Variants in CDH4 observed in about 807,000 individuals in gnomAD.
CDH4 encodes cadherin 4.
A neutral mutation model predicts 86.0 loss-of-function variants in CDH4; 33 were observed. The ratio of observed to expected loss-of-function variants is 0.38; its 90% CI spans 0.29 to 0.51. CDH4 has a LOEUF of 0.51. Among genes scored for constraint, CDH4 ranks in the 20% least tolerant of loss-of-function variants. CDH4 has a pLI of 0.86. For missense variants in CDH4, 1,114 were observed against 1,307.4 expected (o/e 0.85, Z 2.28); for synonymous variants, 555 against 549.4 (o/e 1.01, Z -0.14).
intron 4 of CDH4, among the ~76,000 whole-genome samples, chr20:61,803,771 G>T (rs1250432242): frequency 6.6e-6 from 1 of 152,254 alleles, no homozygotes; most frequent in Non-Finnish European, 1.5e-5. Context: ...AACTGTCAGT[G>T]AAAGTCATTT....
intron 2 of CDH4, among the ~76,000 whole-genome samples, chr20:61,525,201 C>T: frequency 6.6e-6 from 1 of 152,280 alleles, no homozygotes; most frequent in East Asian, 1.9e-4. Context: ...CTGGAAGGTT[C>T]TGGTGACTGG....
rs2087443318 is a variant in CDH4, at chr20:61,676,237, T to C, written c.170-67326T>C. ...TGGTGTCAGGAACGGTCAGGAACGG[T>C]GGGCTGTAATTGACTCAAGTCTATT... On this transcript the variant is annotated intron_variant, in intron 2 of 15. Transcript: ENST00000614565. The surrounding 1 kb of genome is among the most constrained non-coding windows in gnomAD (Gnocchi z 4.5). Among the ~76,000 whole-genome samples the C allele has an allele frequency of 6.6e-6, 1 of 152,190 alleles. No individual in the cohort carries two copies. Among genetic ancestry groups the C allele is most frequent in the Non-Finnish European group, 1.5e-5 (1 of 68,042 alleles).
Position 61,928,407 on chromosome 20 carries a change from CA to C in CDH4, c.1990del (p.Ile664SerfsTer4). 1 of 1,611,934 alleles carries C rather than the reference CA, an allele frequency of 6.2e-7. No individual in the cohort carries two copies. The highest frequency in any genetic ancestry group is 8.5e-7 in the Non-Finnish European group (1 of 1,179,950). On this transcript the variant is annotated frameshift_variant, in exon 12 of 16. Transcript: ENST00000614565. LOFTEE classifies it high-confidence loss of function. ...VPAAVRKNWT[I>X]TRLNGDYAQL... ...CGGCGGCCGTGCGGAAGAACTGGAC[CA>C]TCACCCGCCTGAACGGTGAGCCCGC...
intron 7 of CDH4, among the ~76,000 whole-genome samples, chr20:61,891,597 C>A (rs1315621840): frequency 2.0e-5 from 3 of 152,232 alleles, no homozygotes; most frequent in Non-Finnish European, 4.4e-5. Flanking sequence ...GAACAACAGC[C>A]AGGGCTGCAT....
Position 61,719,148 on chromosome 20 carries a change from A to C in CDH4, c.170-24415A>C, listed in dbSNP as rs773717399. 30 of 470,370 alleles carry C rather than the reference A, an allele frequency of 6.4e-5. 1 individual carries two copies. Among genetic ancestry groups the C allele is most frequent in the Non-Finnish European group, 8.8e-6 (2 of 226,588 alleles). The allele number at this position is 470,370 out of a possible 1,614,324, so 29.1% of individuals were successfully genotyped here. Reference sequence around the variant, plus strand: ...TGCAGCCAAATGGCTTTGCATCTGAAAGCCACACATAATTGTCAGCATCCA... The same window carrying C: ...TGCAGCCAAATGGCTTTGCATCTGACAGCCACACATAATTGTCAGCATCCA... On this transcript the variant is annotated intron_variant, in intron 2 of 15. Transcript: ENST00000614565.
intron 7 of CDH4, among the ~76,000 whole-genome samples, chr20:61,881,996 A>C (rs1346735047): frequency 6.6e-6 from 1 of 152,238 alleles, no homozygotes; most frequent in African/African-American, 2.4e-5. Context: ...TAAGGCTACA[A>C]GCCAAGGGTG....
intron 2 of CDH4, among the ~76,000 whole-genome samples, chr20:61,315,725 A>G (rs1476538445): frequency 6.6e-6 from 1 of 152,186 alleles, no homozygotes; most frequent in Non-Finnish European, 1.5e-5. Flanking sequence ...TTTGTTTAAG[A>G]CATGGTCTTG....
intron 2 of CDH4, among the ~76,000 whole-genome samples, chr20:61,349,846 T>C (rs1050947673): frequency 1.3e-5 from 2 of 152,102 alleles, no homozygotes; most frequent in African/African-American, 2.4e-5. Flanking sequence ...AGGACCAAGT[T>C]CATGTGGGAC....
At chr20:61,895,801 C>G (rs894115743) in intron 8 of CDH4, among the ~76,000 whole-genome samples, 2 of 152,188 alleles carry the variant, frequency 1.3e-5, no homozygotes, top group African/African-American at 4.8e-5. Flanking sequence ...CAACCAGGAC[C>G]CTTTGTGGTG....
At chr20:61,549,386 ACC>A (rs2086111133) in intron 2 of CDH4, among the ~76,000 whole-genome samples, 1 of 152,184 alleles carries the variant, frequency 6.6e-6, no homozygotes. Context: ...GGCTCTTCAG[ACC>A]CACACCATCC....
Position 61,777,836 on chromosome 20 carries a change from T to TGCA in CDH4, c.576+4654_576+4655insGCA, listed in dbSNP as rs1600977515. ...AACACACATCCACATGCGCACGCAC[T>TGCA]TGCATACAAAAACACATCCACATGC... is the stretch of plus-strand genomic sequence containing the variant. On this transcript the variant is annotated intron_variant, in intron 4 of 15. Coordinates refer to ENST00000614565, the MANE Select transcript of CDH4 (RefSeq NM_001794.5). Among the ~76,000 whole-genome samples the TGCA allele has an allele frequency of 7.0e-5, 5 of 71,780 alleles. 1 individual carries two copies. Among genetic ancestry groups the TGCA allele is most frequent in the Admixed American group, 3.2e-4 (2 of 6,312 alleles). The allele number at this position is 71,780 out of a possible 152,430, so 47.1% of individuals were successfully genotyped here. A position where few individuals can be genotyped will look rare whatever the true frequency, so the allele number is the denominator to read the frequency against.
chr20:61,762,627 G>C (rs1398231907), intron 3 of CDH4, among the ~76,000 whole-genome samples: 1 of 152,234 alleles, frequency 6.6e-6, no homozygotes, highest in Non-Finnish European at 1.5e-5. Flanking sequence ...AATCAGGGAA[G>C]TGAAGAAGCA....
At chr20:61,647,936 A>T (rs1482212506) in intron 2 of CDH4, among the ~76,000 whole-genome samples, 1 of 152,182 alleles carries the variant, frequency 6.6e-6, no homozygotes, top group Non-Finnish European at 1.5e-5. Flanking sequence ...ACACCCCTGC[A>T]GGGGCTGCGG....
intron 2 of CDH4, among the ~76,000 whole-genome samples, chr20:61,524,004 A>T (rs191015419): frequency 6.6e-6 from 1 of 152,304 alleles, no homozygotes; most frequent in East Asian, 1.9e-4. Context: ...CCATTAAAAG[A>T]CCCAGAAGCC....
At chr20:61,455,762 T>C (rs939460104) in intron 2 of CDH4, among the ~76,000 whole-genome samples, 1 of 152,162 alleles carries the variant, frequency 6.6e-6, no homozygotes, top group Non-Finnish European at 1.5e-5. Context: ...GCCACCCCCA[T>C]GAGAGCCACT....
At chr20:61,256,048 T>C (rs1186818473) in intron 2 of CDH4, among the ~76,000 whole-genome samples, 1 of 152,196 alleles carries the variant, frequency 6.6e-6, no homozygotes, top group African/African-American at 2.4e-5. Flanking sequence ...AGATGTGCAA[T>C]CTAACAGGGC....
At chr20:61,702,370 C>T (rs1191098593) in intron 2 of CDH4, among the ~76,000 whole-genome samples, 1 of 152,210 alleles carries the variant, frequency 6.6e-6, no homozygotes, top group African/African-American at 2.4e-5. Flanking sequence ...TTAGACGAGG[C>T]AGGAGCCACG....
intron 2 of CDH4, among the ~76,000 whole-genome samples, chr20:61,322,735 CAGAT>C (rs1279162602): frequency 1.4e-4 from 21 of 152,220 alleles, no homozygotes; most frequent in Non-Finnish European, 3.1e-4. Context: ...CTGGAAGGAA[CAGAT>C]AGATGGCAGG....
intron 2 of CDH4, among the ~76,000 whole-genome samples, chr20:61,494,864 G>C (rs368875939): frequency 1.2e-4 from 18 of 152,352 alleles, no homozygotes; most frequent in East Asian, 1.2e-3. Flanking sequence ...GTAGCGCCTC[G>C]TGCATGCCTA....
Sources: allele counts gnomAD v4.1 joint callset (sites outside exome capture counted in the v4.1 genomes callset), GRCh38; gene constraint gnomAD v4.1.1; non-coding constraint Gnocchi (gnomAD v3.1); transcripts MANE v1.5; gene names NCBI Gene and HGNC (gene_info 2026-07-23, HGNC 2026-07-21).